Variants in SENP1 observed in about 807,000 individuals in gnomAD.
SENP1 encodes the protein sentrin-specific protease 1.
A neutral mutation model predicts 93.0 loss-of-function variants in SENP1; 21 were observed. The observed-to-expected ratio is 0.23, with a 90% CI of 0.16 to 0.33. The LOEUF (loss-of-function observed/expected upper bound fraction) is 0.33, where lower values mean the gene tolerates loss of function less well. Among genes scored for constraint, SENP1 ranks in the 10% least tolerant of loss-of-function variants. The probability of loss-of-function intolerance (pLI) is 1.00; values close to 1 mark genes in which losing one functional copy is unlikely to be tolerated. For missense variants in SENP1, 591 were observed against 758.7 expected, an observed-to-expected ratio of 0.78 and a Z score of 2.60; for synonymous variants, 256 against 259.6, an observed-to-expected ratio of 0.99 and a Z score of 0.13.
At chr12:48,048,827 C>G in intron 14 of SENP1, 102 bp downstream of exon 14, 2 of 827,900 alleles carry the variant, frequency 2.4e-6, no homozygotes, top group South Asian at 1.7e-5. Context: ...CACTCTTTCT[C>G]TCAATAATCA....
At chr12:48,073,919 A>G (rs1943891623) in intron 8 of SENP1, among the ~76,000 whole-genome samples, 1 of 152,212 alleles carries the variant, frequency 6.6e-6, no homozygotes, top group Non-Finnish European at 1.5e-5. Flanking sequence ...GTAAGAAAAA[A>G]AGAATATCCT....
At chr12:48,101,012 G>A (rs1169023191) in intron 2 of SENP1, among the ~76,000 whole-genome samples, 1 of 152,224 alleles carries the variant, frequency 6.6e-6, no homozygotes, top group Non-Finnish European at 1.5e-5. Context: ...TGGGCTGGGT[G>A]CGGTGGCTCA....
At chr12:48,084,640 G>A (rs1944720225) in intron 5 of SENP1, among the ~76,000 whole-genome samples, 1 of 151,894 alleles carries the variant, frequency 6.6e-6, no homozygotes, top group African/African-American at 2.4e-5. Context: ...TAGAGACAGG[G>A]TTTCACCATG....
chr12:48,046,422 G>A lies in SENP1; in HGVS notation c.1806C>T (p.Asp602=), dbSNP rs34698661. 1.1e-3 allele frequency: 1,707 copies of A among 1,612,932 alleles called. 14 individuals carry two copies. In the African/African-American group the frequency reaches 0.015, roughly 15 times the overall value. The change falls in exon 17 of 18, where the codon GAC becomes GAT. Residue 602 remains aspartate (D), a synonymous_variant. Coordinates refer to ENST00000549518, the MANE Select transcript of SENP1 (RefSeq NM_001267594.2). ...QEIPQQMNGS[D]CGMFACKYAD... is the part of the protein sequence containing the mutation. Reference sequence around the variant, plus strand: ...CATATTTGCAGGCAAACATCCCACAGTCACTTCCATTCATCTGCTGAGGAA... The same window carrying A: ...CATATTTGCAGGCAAACATCCCACAATCACTTCCATTCATCTGCTGAGGAA...
rs1045672762 is a variant in SENP1, at chr12:48,063,578, G to A, written c.1407+132C>T. 4.0e-6 allele frequency: 3 copies of A among 754,774 alleles called. No homozygotes were observed. In the Admixed American group the frequency reaches 9.3e-5, roughly 24 times the overall value. 46.8% of individuals were successfully genotyped at this position (754,774 alleles called of 1,614,324 possible). On this transcript the variant is annotated intron_variant, in intron 13 of 17. Coordinates refer to ENST00000549518, the MANE Select transcript of SENP1 (RefSeq NM_001267594.2). ...CACACTCCCTCATAGTTACAAGAAT[G>A]AAGAGGCCTATGAGAGATGATTCCA...
intron 6 of SENP1, among the ~76,000 whole-genome samples, chr12:48,080,849 G>A (rs976170950): frequency 1.3e-5 from 2 of 152,084 alleles, no homozygotes; most frequent in African/African-American, 2.4e-5. Context: ...AAAATTTCCC[G>A]CATCGCTCAT....
Position 48,071,733 on chromosome 12 carries a change from C to T in SENP1, c.941-12G>A. On this transcript the variant is annotated splice_polypyrimidine_tract_variant and intron_variant, in intron 8 of 17. Transcript: ENST00000549518. ...CACAGAGTCTGATCCTAAAGAAACACAAGAGCATTTCATTAGTAATAAAAC... is the reference window on the plus strand; with the variant it reads ...CACAGAGTCTGATCCTAAAGAAACATAAGAGCATTTCATTAGTAATAAAAC... 1.9e-6 allele frequency: 3 copies of T among 1,585,454 alleles called. No individual in the cohort carries two copies. Among genetic ancestry groups the T allele is most frequent in the Non-Finnish European group, 2.6e-6 (3 of 1,156,148 alleles).
At chr12:48,088,988 A>G (rs543199793) in intron 4 of SENP1, 28 bp from the exon 5 acceptor site, 2 of 1,578,230 alleles carry the variant, frequency 1.3e-6, no homozygotes, top group South Asian at 2.3e-5. Context: ...TGAATAAATT[A>G]AACAAATTCT....
In SENP1 at chr12:48,043,666, A is replaced by C. The variant is rs1040671797; in HGVS notation, c.*1656T>G. On this transcript the variant is annotated 3_prime_UTR_variant, in exon 18 of 18. Transcript: ENST00000549518. ...GAGAAAGGGAAAGAAAGAGAGAGAA[A>C]AAACAAACACACAAAAGGTGGTCTT... The C allele has an allele frequency of 6.6e-6, 1 of 152,628 alleles. No individual in the cohort carries two copies. The highest frequency in any genetic ancestry group is 1.5e-5 in the Non-Finnish European group (1 of 68,028). 9.5% of individuals were successfully genotyped at this position (152,628 alleles called of 1,614,324 possible).
At chr12:48,068,390 G>A (rs1376477814) in intron 9 of SENP1, among the ~76,000 whole-genome samples, 2 of 152,078 alleles carry the variant, frequency 1.3e-5, no homozygotes, top group Non-Finnish European at 2.9e-5. Flanking sequence ...TGCTCTAGAT[G>A]TTTTATGTAT....
rs776105298 is a variant in SENP1 at position 48,083,741 on chromosome 12, C to T, written c.402G>A (p.Ala134=). The T allele has an allele frequency of 7.3e-5, 117 of 1,607,292 alleles. No individual in the cohort carries two copies. The highest frequency in any genetic ancestry group is 8.5e-5 in the Non-Finnish European group (100 of 1,177,964). The change falls in exon 6 of 18, where the codon GCG becomes GCA. Residue 134 remains alanine, a synonymous_variant. Transcript: ENST00000549518. The part of the protein sequence containing the change: ...KTSSGLSNSF[A]GKSNHHCHVS... ...CATGGCAGTGATGGTTTGACTTTCC[C>T]GCAAAACTGTTTGATAATCCACTAA...
chr12:48,060,893 G>T (rs1215532743), intron 13 of SENP1, among the ~76,000 whole-genome samples: 4 of 152,066 alleles, frequency 2.6e-5, no homozygotes, highest in African/African-American at 4.8e-5. Flanking sequence ...TTCTTTATAT[G>T]GCAGCCAGTT....
At chr12:48,074,219 A>G in intron 8 of SENP1, 105 bp downstream of exon 8, 1 of 964,802 alleles carries the variant, frequency 1.0e-6, no homozygotes, top group Non-Finnish European at 1.6e-6. Context: ...CAGATTCGGT[A>G]TGCTCATTTA....
At chr12:48,065,489 G>T in intron 11 of SENP1, 107 bp downstream of exon 11, 1 of 727,118 alleles carries the variant, frequency 1.4e-6, no homozygotes, top group Non-Finnish European at 2.3e-6. Context: ...GCTACCATAC[G>T]ATCTTGGAAT....
At chr12:48,076,473 C>T (rs1944089233) in intron 6 of SENP1, among the ~76,000 whole-genome samples, 2 of 151,932 alleles carry the variant, frequency 1.3e-5, no homozygotes, top group African/African-American at 2.4e-5. Flanking sequence ...TACAGGTGCA[C>T]GCCACCACAC....
At chr12:48,086,439 C>A (rs1026054643) in intron 5 of SENP1, among the ~76,000 whole-genome samples, 1 of 152,100 alleles carries the variant, frequency 6.6e-6, no homozygotes, top group African/African-American at 2.4e-5. Context: ...ATTCATATAA[C>A]GCCAAAGTAA....
chr12:48,105,677 C>T, intron 1 of SENP1: 1 of 441,196 alleles, frequency 2.3e-6, no homozygotes, highest in Non-Finnish European at 4.2e-6. Context: ...AGACCCAGCT[C>T]TGGCGGGAAA....
Position 48,098,012 on chromosome 12 carries a change from A to C in SENP1, c.117T>G (p.Leu39=). The stretch of plus-strand genomic sequence containing the variant: ...TCCTAACCTGCTGGTCAGAAAGCGA[A>C]AGCTGGTCCTCTGGAAAACCTGTTT... ...LPQTGFPEDQ[L]SLSDQQILSS... The change falls in exon 3 of 18, where the codon CTT becomes CTG. Residue 39 remains leucine, a synonymous_variant. Transcript: ENST00000549518. 6.2e-7 allele frequency: 1 copy of C among 1,613,732 alleles called. No individual in the cohort carries two copies. Among genetic ancestry groups the C allele is most frequent in the Non-Finnish European group, 8.5e-7 (1 of 1,179,746 alleles).
intron 4 of SENP1, among the ~76,000 whole-genome samples, chr12:48,095,907 A>C (rs1945526096): frequency 6.6e-6 from 1 of 152,236 alleles, no homozygotes; most frequent in African/African-American, 2.4e-5. Flanking sequence ...CATGTAGTTA[A>C]CATTTCCTGC....
Sources: allele counts gnomAD v4.1 joint callset (sites outside exome capture counted in the v4.1 genomes callset), GRCh38; gene constraint gnomAD v4.1.1; transcripts MANE v1.5; gene names NCBI Gene and HGNC (gene_info 2026-07-23, HGNC 2026-07-21).